The following CEP63 variants were observed in gnomAD, a reference collection of about 807,000 sequenced individuals.
CEP63 encodes the protein centrosomal protein of 63 kDa.
In CEP63, 84 loss-of-function variants were observed where a neutral mutation model predicts 89.1. The ratio of observed to expected loss-of-function variants is 0.94; its 90% confidence interval spans 0.79 to 1.13. CEP63 has a LOEUF of 1.13. Among genes scored for constraint, CEP63 ranks in the 50% most tolerant of loss-of-function variants. The probability of loss-of-function intolerance (pLI) is 0.00; values close to 1 mark genes in which losing one functional copy is unlikely to be tolerated. For missense variants in CEP63, 838 were observed against 813.3 expected, an observed-to-expected ratio of 1.03 and a Z score of -0.37; for synonymous variants, 267 against 272.5, an observed-to-expected ratio of 0.98 and a Z score of 0.20.
intron 3 of CEP63, among the ~76,000 whole-genome samples, chr3:134,519,189 T>C (rs1488839223): frequency 6.6e-6 from 1 of 152,074 alleles, no homozygotes; most frequent in Non-Finnish European, 1.5e-5. Flanking sequence ...AGTTGCGTGA[T>C]CTCAGCTCAC....
intron 1 of CEP63, 47 bp downstream of exon 1, chr3:134,486,249 C>T (rs1286842419): frequency 5.1e-6 from 5 of 985,304 alleles, no homozygotes; most frequent in Non-Finnish European, 6.0e-6. Flanking sequence ...ACCCTGTAAC[C>T]GCCGGTGCGC....
At chr3:134,558,931 C>T (rs1236727745) in intron 13 of CEP63, among the ~76,000 whole-genome samples, 1 of 152,168 alleles carries the variant, frequency 6.6e-6, no homozygotes, top group East Asian at 1.9e-4. Flanking sequence ...GTCTTTCTTG[C>T]TATACCATAA....
the CEP63 span, chr3:134,629,685 C>A: frequency 6.3e-7 from 1 of 1,590,674 alleles, no homozygotes; most frequent in South Asian, 1.1e-5. Context: ...CTTCCACAGT[C>A]AGTTGTGTCC....
chr3:134,713,224 A>G, the CEP63 span, among the ~76,000 whole-genome samples: 1 of 152,016 alleles, frequency 6.6e-6, no homozygotes, highest in East Asian at 1.9e-4. Context: ...CTGAGTCCCA[A>G]TTTTATTTGT....
the CEP63 span, among the ~76,000 whole-genome samples, chr3:134,636,556 G>A: frequency 6.6e-6 from 1 of 152,168 alleles, no homozygotes; most frequent in Non-Finnish European, 1.5e-5. Flanking sequence ...TCTCAGGTGA[G>A]GCTATCCCAG....
chr3:134,605,678 G>A, the CEP63 span, among the ~76,000 whole-genome samples: 4 of 150,656 alleles, frequency 2.7e-5, no homozygotes, highest in East Asian at 7.9e-4. Context: ...TCCCCCCACT[G>A]CCTCCATTTC....
chr3:134,506,458 C>T (rs1166097928), intron 2 of CEP63, among the ~76,000 whole-genome samples: 2 of 152,176 alleles, frequency 1.3e-5, no homozygotes, highest in African/African-American at 2.4e-5. Context: ...CTGAAAGCTT[C>T]CTTAATATGT....
chr3:134,513,930 C>G (rs1165079186), intron 3 of CEP63, among the ~76,000 whole-genome samples: 1 of 152,100 alleles, frequency 6.6e-6, no homozygotes, highest in Non-Finnish European at 1.5e-5. Flanking sequence ...TCAGATTATT[C>G]AAATAATTTT....
chr3:134,701,214 ATGTGTG>A, the CEP63 span, among the ~76,000 whole-genome samples: 2 of 137,802 alleles, frequency 1.5e-5, no homozygotes, highest in South Asian at 5.0e-4. Flanking sequence ...ATACGTATAT[ATGTGTG>A]TATATATACG....
intron 3 of CEP63, among the ~76,000 whole-genome samples, chr3:134,531,498 T>C (rs542452533): frequency 2.0e-5 from 3 of 152,090 alleles, no homozygotes; most frequent in Non-Finnish European, 4.4e-5. Context: ...CAGACAATTG[T>C]TTAAACTTGG....
downstream of CEP63, among the ~76,000 whole-genome samples, chr3:134,577,700 C>T (rs1348801686): frequency 4.0e-5 from 6 of 151,878 alleles, no homozygotes; most frequent in African/African-American, 1.5e-4. Context: ...GTTTGCCGCA[C>T]CTGTCAACCC....
intron 2 of CEP63, among the ~76,000 whole-genome samples, chr3:134,502,900 A>G (rs541791235): frequency 6.6e-6 from 1 of 151,944 alleles, no homozygotes; most frequent in African/African-American, 2.4e-5. Context: ...TTAACTTGAG[A>G]TCTTAATGTA....
At chr3:134,566,990 A>C (rs1223054671), downstream of CEP63, among the ~76,000 whole-genome samples, 6 of 152,240 alleles carry the variant, frequency 3.9e-5, no homozygotes, top group African/African-American at 1.4e-4. Context: ...CATTATTCAC[A>C]ATAACACCAA....
chr3:134,670,623 C>T, the CEP63 span, among the ~76,000 whole-genome samples: 2 of 152,200 alleles, frequency 1.3e-5, no homozygotes, highest in Non-Finnish European at 2.9e-5. Context: ...GAATGGACTA[C>T]TTAGAAACTG....
chr3:134,682,021 C>T, the CEP63 span, among the ~76,000 whole-genome samples: 1 of 152,158 alleles, frequency 6.6e-6, no homozygotes, highest in Admixed American at 6.5e-5. Context: ...ACCCAGCTCC[C>T]CTTATTCTAG....
the CEP63 span, chr3:134,643,498 C>T: frequency 1.4e-6 from 1 of 732,982 alleles, no homozygotes; most frequent in Non-Finnish European, 2.4e-6. Context: ...CATCCCCAGG[C>T]CTAAATGTGT....
intron 1 of CEP63, among the ~76,000 whole-genome samples, chr3:134,488,837 G>A (rs996291462): frequency 6.6e-6 from 1 of 151,984 alleles, no homozygotes; most frequent in African/African-American, 2.4e-5. Context: ...GCAGTGGCTA[G>A]TTAATTAAAG....
At chr3:134,618,010 G>C in the CEP63 span, among the ~76,000 whole-genome samples, 967 of 152,266 alleles carry the variant, frequency 6.4e-3, 3 homozygotes, top group Non-Finnish European at 0.011. Context: ...TCTGGGGTAG[G>C]GGGTGGGAAG....
At chr3:134,486,644 C>A in intron 1 of CEP63, 1 of 672,856 alleles carries the variant, frequency 1.5e-6, no homozygotes, top group Non-Finnish European at 1.8e-6. Context: ...GGCCTCCCTG[C>A]CAGGGCTGCT....
Sources: gnomAD v4.1 joint callset for allele counts (sites outside exome capture counted in the v4.1 genomes callset) on GRCh38, gnomAD v4.1.1 for gene constraint, MANE v1.5 for transcripts, NCBI Gene and HGNC (gene_info 2026-07-23, HGNC 2026-07-21) for gene names.